Variants in PCDHA10 observed in about 807,000 individuals in gnomAD.
The protein encoded by PCDHA10 is protocadherin alpha-10.
Under a neutral mutation model 61.2 loss-of-function variants are expected in PCDHA10, and 45 were observed. The ratio of observed to expected loss-of-function variants is 0.74; its 90% CI spans 0.58 to 0.94. The LOEUF (loss-of-function observed/expected upper bound fraction) is 0.94. PCDHA10 is among the 40% of genes least tolerant of loss of function. The pLI is 0.00. For missense variants in PCDHA10, 1,278 were observed against 1,236.2 expected (o/e 1.03, Z -0.51); for synonymous variants, 602 against 548.8 (o/e 1.10, Z -1.35).
At chr5:140,948,865 C>T (rs1358865868) in intron 1 of PCDHA10, among the ~76,000 whole-genome samples, 4 of 151,324 alleles carry the variant, frequency 2.6e-5, no homozygotes, top group African/African-American at 4.8e-5. Flanking sequence ...TATATTACTT[C>T]GGGTTTACTT....
At chr5:140,966,463 TC>T in intron 1 of PCDHA10, 1 of 429,360 alleles carries the variant, frequency 2.3e-6, no homozygotes, top group Non-Finnish European at 4.0e-6. Flanking sequence ...CCCTCTGTCT[TC>T]CCTTCTGTTT....
At chr5:140,871,151 C>A in intron 1 of PCDHA10, 1 of 1,613,328 alleles carries the variant, frequency 6.2e-7, no homozygotes, top group Non-Finnish European at 8.5e-7. Flanking sequence ...CGGACTTTGG[C>A]GGGCGCCGCG....
intron 1 of PCDHA10, chr5:140,877,450 A>G (rs1406485859): frequency 1.9e-6 from 3 of 1,613,636 alleles, no homozygotes; most frequent in Non-Finnish European, 2.5e-6. Flanking sequence ...GCCCGCGCTG[A>G]CGTCCACGGC....
At chr5:140,876,759 TG>T (rs2056563971) in intron 1 of PCDHA10, 10 of 1,614,028 alleles carry the variant, frequency 6.2e-6, no homozygotes, top group African/African-American at 2.7e-5. Context: ...CTGCGCGGGA[TG>T]GGGGCTCGCC....
At chr5:140,999,620 G>A (rs184259991) in intron 3 of PCDHA10, among the ~76,000 whole-genome samples, 6 of 152,262 alleles carry the variant, frequency 3.9e-5, no homozygotes, top group African/African-American at 1.2e-4. Flanking sequence ...TATCAACCAG[G>A]AAACAAGGTA....
At chr5:140,956,363 A>G (rs938643620) in intron 1 of PCDHA10, among the ~76,000 whole-genome samples, 2 of 152,026 alleles carry the variant, frequency 1.3e-5, no homozygotes, top group African/African-American at 4.8e-5. Context: ...ACATGAAGGG[A>G]TGTTGAATTT....
intron 1 of PCDHA10, among the ~76,000 whole-genome samples, chr5:140,909,960 C>T (rs1419796014): frequency 6.6e-6 from 1 of 152,184 alleles, no homozygotes; most frequent in Non-Finnish European, 1.5e-5. Context: ...CGTAGGTCTC[C>T]ATGGGGAAGG....
intron 1 of PCDHA10, chr5:140,859,459 C>A (rs1379028308): frequency 9.2e-6 from 2 of 216,756 alleles, no homozygotes; most frequent in Non-Finnish European, 1.8e-5. Context: ...AGTGACAAAA[C>A]TACACTATCA....
chr5:140,881,581 T>C (rs782420499), intron 1 of PCDHA10, among the ~76,000 whole-genome samples: 2 of 152,222 alleles, frequency 1.3e-5, no homozygotes, highest in African/African-American at 2.4e-5. Context: ...TCAAGTCACA[T>C]TGAGGGAAAT....
rs537764090 is a variant in PCDHA10 at position 140,925,273 on chromosome 5, AT to A, written c.2389-53672del. Reference sequence around the variant, plus strand: ...ACTTTAATTCTTGATCTGTGTTCAGATTTTGCCTTTCAAATGTTTCATTATT... The same window carrying A: ...ACTTTAATTCTTGATCTGTGTTCAGATTTGCCTTTCAAATGTTTCATTATT... On this transcript the variant is annotated intron_variant, in intron 1 of 3. Transcript: ENST00000307360. Among the ~76,000 whole-genome samples, 1,221 of 152,228 alleles carry A rather than the reference AT, an allele frequency of 8.0e-3. 6 individuals are homozygous for A. Among genetic ancestry groups the A allele is most frequent in the African/African-American group, 0.019 (789 of 41,534 alleles).
chr5:140,944,451 T>C (rs6878788), intron 1 of PCDHA10, among the ~76,000 whole-genome samples: 8,488 of 152,228 alleles, frequency 0.056, 701 homozygotes, highest in African/African-American at 0.18. Flanking sequence ...CCTCCCAAAG[T>C]GCTGGGATTA....
chr5:140,917,223 C>G (rs1351907671), intron 1 of PCDHA10, among the ~76,000 whole-genome samples: 3 of 150,934 alleles, frequency 2.0e-5, no homozygotes, highest in African/African-American at 7.3e-5. Context: ...TTTAGTGATA[C>G]GTTGTTAAAT....
intron 2 of PCDHA10, among the ~76,000 whole-genome samples, chr5:140,979,726 G>A (rs2096861839): frequency 1.3e-5 from 2 of 152,072 alleles, no homozygotes; most frequent in African/African-American, 4.8e-5. Context: ...CATGCCATGG[G>A]GCCAAATAAA....
chr5:140,961,970 G>A (rs1282918892), intron 1 of PCDHA10, among the ~76,000 whole-genome samples: 1 of 150,888 alleles, frequency 6.6e-6, no homozygotes, highest in Non-Finnish European at 1.5e-5. Flanking sequence ...TGCAACCTCC[G>A]CCTCCTGGGT....
intron 1 of PCDHA10, chr5:140,865,984 C>CT (rs1421738889): frequency 1.3e-5 from 2 of 152,088 alleles, no homozygotes; most frequent in Non-Finnish European, 2.9e-5. Context: ...TGAGATGGCA[C>CT]TAAGTTTTTT....
intron 1 of PCDHA10, chr5:140,883,659 T>A (rs2059734857): frequency 6.2e-7 from 1 of 1,612,766 alleles, no homozygotes. Flanking sequence ...ACGGTGTTCG[T>A]GAAGGAAAAC....
intron 1 of PCDHA10, among the ~76,000 whole-genome samples, chr5:140,953,105 G>A (rs191289853): frequency 5.3e-5 from 8 of 152,214 alleles, no homozygotes; most frequent in Non-Finnish European, 1.2e-4. Flanking sequence ...ATGAGATTTG[G>A]GCAGGGACAC....
At chr5:140,982,214 TG>T in intron 2 of PCDHA10, 1 of 485,000 alleles carries the variant, frequency 2.1e-6, no homozygotes, top group Non-Finnish European at 3.3e-6. Flanking sequence ...GAGCGCCACA[TG>T]GCGTTAATAA....
At chr5:140,979,350 A>T (rs113796939) in intron 2 of PCDHA10, among the ~76,000 whole-genome samples, 1,685 of 150,698 alleles carry the variant, frequency 0.011, 22 homozygotes, top group East Asian at 0.044. Flanking sequence ...TGTAATTAAT[A>T]CTCATGCTTT....
Sources: gnomAD v4.1 joint callset for allele counts (sites outside exome capture counted in the v4.1 genomes callset) on GRCh38, gnomAD v4.1.1 for gene constraint, MANE v1.5 for transcripts, NCBI Gene and HGNC (gene_info 2026-07-23, HGNC 2026-07-21) for gene names.